Variants in IMMP2L observed in about 807,000 individuals in gnomAD.
IMMP2L encodes mitochondrial inner membrane protease subunit 2.
Under a neutral mutation model 19.3 loss-of-function variants are expected in IMMP2L, and 18 were observed. That is an observed-to-expected ratio of 0.93 (90% CI 0.64 to 1.38). The LOEUF (loss-of-function observed/expected upper bound fraction) is 1.38. Ranked by LOEUF, IMMP2L falls within the 40% of genes most tolerant of loss-of-function variation. IMMP2L has a pLI of 0.00. For synonymous variants in IMMP2L, 76 were observed against 73.0 expected (o/e 1.04, Z -0.21); for missense variants, 233 against 218.2 (o/e 1.07, Z -0.43).
intron 3 of IMMP2L, among the ~76,000 whole-genome samples, chr7:111,121,294 C>T (rs894250201): frequency 3.3e-5 from 5 of 152,106 alleles, no homozygotes; most frequent in African/African-American, 1.2e-4. Flanking sequence ...AATTTTCTCC[C>T]ATTCTGTAGG....
intron 3 of IMMP2L, among the ~76,000 whole-genome samples, chr7:111,329,597 ACTTGAAAACG>A (rs2130638410): frequency 6.6e-6 from 1 of 152,030 alleles, no homozygotes; most frequent in South Asian, 2.1e-4. Flanking sequence ...CAGAAAGGAG[ACTTGAAAACG>A]CACATGGGAC....
chr7:111,006,325 G>A (rs2129562174), intron 3 of IMMP2L, among the ~76,000 whole-genome samples: 1 of 152,184 alleles, frequency 6.6e-6, no homozygotes, highest in Non-Finnish European at 1.5e-5. Flanking sequence ...ATATAGGAGA[G>A]GGAAAAGGAT....
At chr7:110,921,604 A>G (rs898122467) in intron 4 of IMMP2L, among the ~76,000 whole-genome samples, 1 of 152,188 alleles carries the variant, frequency 6.6e-6, no homozygotes, top group Non-Finnish European at 1.5e-5. Flanking sequence ...GGCCAAGGAG[A>G]GAAATGCCTG....
chr7:110,981,662 G>T (rs1012139873), intron 3 of IMMP2L, among the ~76,000 whole-genome samples: 1 of 151,838 alleles, frequency 6.6e-6, no homozygotes, highest in Non-Finnish European at 1.5e-5. Context: ...ATTCATTAGA[G>T]TGCTGATTCA....
chr7:111,459,340 A>T (rs907426284), intron 3 of IMMP2L, among the ~76,000 whole-genome samples: 3 of 152,154 alleles, frequency 2.0e-5, no homozygotes, highest in Non-Finnish European at 4.4e-5. Context: ...TTTCCAAAAC[A>T]ATATTATCAC....
chr7:111,117,819 T>C (rs73420008), intron 3 of IMMP2L, among the ~76,000 whole-genome samples: 3,166 of 152,174 alleles, frequency 0.021, 107 homozygotes, highest in African/African-American at 0.072. Flanking sequence ...CCATGGCAAT[T>C]TTTTTCTTCA....
intron 3 of IMMP2L, chr7:111,392,755 G>GT (rs764783617): frequency 3.3e-5 from 15 of 456,452 alleles, no homozygotes; most frequent in Non-Finnish European, 1.3e-5. Flanking sequence ...TTCAGGTTCA[G>GT]TAATTTGCTA....
intron 3 of IMMP2L, among the ~76,000 whole-genome samples, chr7:111,481,480 T>A (rs1245380714): frequency 1.3e-5 from 2 of 152,130 alleles, no homozygotes; most frequent in African/African-American, 4.8e-5. Flanking sequence ...AAACCGGGGA[T>A]AACAATACCT....
chr7:111,165,454 G>GA (rs1254850113), intron 3 of IMMP2L, among the ~76,000 whole-genome samples: 3 of 151,938 alleles, frequency 2.0e-5, no homozygotes, highest in African/African-American at 7.2e-5. Context: ...GGAATTGCTG[G>GA]ATCACAGGGT....
At chr7:111,390,876 G>C (rs1467263909) in intron 3 of IMMP2L, 1 of 152,100 alleles carries the variant, frequency 6.6e-6, no homozygotes, top group African/African-American at 2.4e-5. Flanking sequence ...CACAAATGCA[G>C]ACACATTAAC....
intron 3 of IMMP2L, among the ~76,000 whole-genome samples, chr7:110,969,999 A>G (rs1224002494): frequency 1.3e-5 from 2 of 152,176 alleles, no homozygotes; most frequent in Non-Finnish European, 2.9e-5. Flanking sequence ...ACTGTTGTTT[A>G]TTGATAAAAA....
At chr7:110,850,595 G>T (rs799647) in intron 5 of IMMP2L, among the ~76,000 whole-genome samples, 2,429 of 151,916 alleles carry the variant, frequency 0.016, 54 homozygotes, top group African/African-American at 0.055. Context: ...CCACTGGCTC[G>T]CCCTCATGCC....
chr7:111,024,265 T>A (rs1826590733), intron 3 of IMMP2L, among the ~76,000 whole-genome samples: 5 of 152,346 alleles, frequency 3.3e-5, no homozygotes, highest in African/African-American at 1.2e-4. Flanking sequence ...TTTTGACTTA[T>A]GTAAACACCT....
intron 3 of IMMP2L, among the ~76,000 whole-genome samples, chr7:111,016,328 T>C (rs1000266513): frequency 4.1e-5 from 6 of 145,150 alleles, no homozygotes; most frequent in African/African-American, 7.6e-5. Context: ...AAAAGTCCAG[T>C]AATTATATAT....
At chr7:111,440,159 C>T (rs1387897543) in intron 3 of IMMP2L, among the ~76,000 whole-genome samples, 2 of 151,820 alleles carry the variant, frequency 1.3e-5, no homozygotes, top group Non-Finnish European at 2.9e-5. Context: ...AACTGCTGTT[C>T]ATGTTGGTAT....
At chr7:111,016,891 AAT>A (rs1491223708) in intron 3 of IMMP2L, among the ~76,000 whole-genome samples, 2 of 90,748 alleles carry the variant, frequency 2.2e-5, no homozygotes, top group African/African-American at 4.6e-5. Flanking sequence ...TATTATATAT[AAT>A]ATATATTATA....
intron 3 of IMMP2L, among the ~76,000 whole-genome samples, chr7:110,996,320 C>T (rs1256045000): frequency 6.6e-6 from 1 of 152,006 alleles, no homozygotes. Context: ...GAGGGAAAAA[C>T]TACAACACAT....
intron 5 of IMMP2L, among the ~76,000 whole-genome samples, chr7:110,838,469 G>A (rs1804727846): frequency 6.6e-6 from 1 of 152,002 alleles, no homozygotes; most frequent in South Asian, 2.1e-4. Flanking sequence ...GAAAGATGGG[G>A]GCCTTAAAAA....
chr7:110,903,813 T>C (rs974949392), intron 4 of IMMP2L, among the ~76,000 whole-genome samples: 1 of 152,074 alleles, frequency 6.6e-6, no homozygotes, highest in Non-Finnish European at 1.5e-5. Flanking sequence ...CTGTTTTCTA[T>C]AGTGGCTGTA....
Sources: allele counts gnomAD v4.1 joint callset (sites outside exome capture counted in the v4.1 genomes callset), GRCh38; gene constraint gnomAD v4.1.1; transcripts MANE v1.5; gene names NCBI Gene and HGNC (gene_info 2026-07-23, HGNC 2026-07-21).